The following SCAI variants were observed in gnomAD, a reference collection of about 807,000 sequenced individuals.
The protein encoded by SCAI is protein SCAI.
SCAI carries 24 observed loss-of-function variants against 92.2 expected under a neutral mutation model. The observed-to-expected ratio is 0.26, with a 90% CI of 0.19 to 0.37. SCAI has a LOEUF of 0.37. Among genes scored for constraint, SCAI ranks in the 10% least tolerant of loss-of-function variants. SCAI has a pLI of 1.00. For synonymous variants in SCAI, 261 were observed against 258.6 expected, an observed-to-expected ratio of 1.01 and a Z score of -0.09; for missense variants, 450 against 736.2, an observed-to-expected ratio of 0.61 and a Z score of 4.50.
chr9:125,138,168 C>T (rs1487371733), intron 2 of SCAI, among the ~76,000 whole-genome samples: 1 of 151,724 alleles, frequency 6.6e-6, no homozygotes, highest in East Asian at 1.9e-4. Context: ...TGTTTTTTAA[C>T]CTAAAATTTA....
intron 2 of SCAI, among the ~76,000 whole-genome samples, chr9:125,121,521 T>G (rs1455812938): frequency 6.6e-6 from 1 of 151,848 alleles, no homozygotes; most frequent in African/African-American, 2.4e-5. Context: ...ATCTAGTGGT[T>G]TCCAACATTT....
Position 124,973,603 on chromosome 9 carries a change from C to T in SCAI, c.1400-1759G>A, listed in dbSNP as rs376208779. ...ATCCCAGCACTTTTGGAGGCGGAGG[C>T]GGGCAGATCACGAGGTCAGGAGTTT... On this transcript the variant is annotated intron_variant, in intron 15 of 17. Coordinates refer to ENST00000336505, the MANE Select transcript of SCAI (RefSeq NM_001144877.3). Among the ~76,000 whole-genome samples the T allele has an allele frequency of 6.6e-5, 10 of 152,142 alleles. No individual in the cohort carries two copies. The South Asian group carries it at 2.1e-3, about 32-fold the overall frequency.
chr9:125,098,132 G>A (rs565806140), intron 2 of SCAI, among the ~76,000 whole-genome samples: 32 of 151,996 alleles, frequency 2.1e-4, no homozygotes, highest in Admixed American at 3.9e-4. Flanking sequence ...ATAGCTCACT[G>A]CAACCTCAAT....
At position 124,948,814 on chromosome 9, in the gene SCAI, C is replaced by T. The variant is rs912117369; in HGVS notation, c.*3993G>A. On this transcript the variant is annotated 3_prime_UTR_variant, in exon 18 of 18. Coordinates refer to ENST00000336505, the MANE Select transcript of SCAI (RefSeq NM_001144877.3). ...AGGGACAGTTTGTGCAATTTGAAAA[C>T]AAAGGAGTGCTTTTTCCCTTTGCTT... 8 of 152,172 alleles carry T rather than the reference C, an allele frequency of 5.3e-5. No individual in the cohort carries two copies. The highest frequency in any genetic ancestry group is 2.6e-4 in the Admixed American group (4 of 15,278). The allele number at this position is 152,172 out of a possible 1,614,324, so 9.4% of individuals were successfully genotyped here.
intron 9 of SCAI, among the ~76,000 whole-genome samples, chr9:125,011,560 G>C (rs1320986509): frequency 6.6e-6 from 1 of 152,212 alleles, no homozygotes; most frequent in Admixed American, 6.5e-5. Context: ...CGTCTGATTG[G>C]TGTACCTGAA....
intron 2 of SCAI, among the ~76,000 whole-genome samples, chr9:125,103,240 T>C (rs532348793): frequency 6.6e-6 from 1 of 152,276 alleles, no homozygotes; most frequent in East Asian, 1.9e-4. Context: ...TTTCACCTCA[T>C]TGATGGCTTT....
At chr9:125,032,191 ATATATT>A (rs1564386255) in intron 3 of SCAI, among the ~76,000 whole-genome samples, 1 of 80,648 alleles carries the variant, frequency 1.2e-5, no homozygotes, top group South Asian at 4.3e-4. Flanking sequence ...ATATATATAT[ATATATT>A]TTTTTTTTTT....
rs538996271 is a variant in SCAI, at chr9:125,033,830, G to A, written c.231-4091C>T. ...AGCATATAATTTTATCTTCTCTTTC[G>A]AGGCTCCATACAGAAATAAAAAGAG... On this transcript the variant is annotated intron_variant, in intron 3 of 17. Coordinates refer to ENST00000336505, the MANE Select transcript of SCAI (RefSeq NM_001144877.3). Among the ~76,000 whole-genome samples, 16 of 152,228 alleles carry A rather than the reference G, an allele frequency of 1.1e-4. 1 individual carries two copies. The East Asian group carries it at 2.9e-3, about 28-fold the overall frequency.
rs528182850 is a variant in SCAI at position 124,987,805 on chromosome 9, A to T, written c.1326+7129T>A. 6.4e-4 allele frequency among the ~76,000 whole-genome samples: 97 copies of T among 152,210 alleles called. 2 individuals are homozygous for T. Among genetic ancestry groups the T allele is most frequent in the African/African-American group, 1.8e-3 (73 of 41,532 alleles). On this transcript the variant is annotated intron_variant, in intron 14 of 17. Coordinates refer to ENST00000336505, the MANE Select transcript of SCAI (RefSeq NM_001144877.3). ...GGGGAAACCCTGTCTCTACTAAAAA[A>T]TACAAAAATTAGCCGGGTGTGGTGG...
intron 2 of SCAI, among the ~76,000 whole-genome samples, chr9:125,056,740 T>G (rs561544128): frequency 6.6e-6 from 1 of 152,266 alleles, no homozygotes. Flanking sequence ...TCATAACATT[T>G]AAAAATTGAA....
At chr9:125,018,997 T>C (rs1832817702) in intron 8 of SCAI, 46 bp from the exon 9 acceptor site, 1 of 1,592,906 alleles carries the variant, frequency 6.3e-7, no homozygotes, top group Non-Finnish European at 8.6e-7. Context: ...CAAGACTAAA[T>C]ATCAATAGAG....
In SCAI at chr9:125,061,768, G is replaced by A. The variant is rs191185692; in HGVS notation, c.99-5761C>T. On this transcript the variant is annotated intron_variant, in intron 2 of 17. Coordinates refer to ENST00000336505, the MANE Select transcript of SCAI (RefSeq NM_001144877.3). ...GAGCAAGACCCAGCTCAAAATGAAA[G>A]AAATGAAACGAAGAAAAGAAAAGAA... is the stretch of plus-strand genomic sequence containing the variant. 2.2e-3 allele frequency among the ~76,000 whole-genome samples: 336 copies of A among 151,190 alleles called. 3 individuals carry two copies. The highest frequency in any genetic ancestry group is 7.8e-3 in the African/African-American group (319 of 41,146).
chr9:125,103,312 T>C (rs545976999), intron 2 of SCAI, among the ~76,000 whole-genome samples: 2 of 152,280 alleles, frequency 1.3e-5, no homozygotes, highest in East Asian at 3.9e-4. Flanking sequence ...TTGAGGATGA[T>C]TTTTCAGTCC....
At chr9:125,046,353 G>A (rs1339628578) in intron 3 of SCAI, among the ~76,000 whole-genome samples, 1 of 110,360 alleles carries the variant, frequency 9.1e-6, no homozygotes, top group Non-Finnish European at 1.9e-5. Context: ...GTGTGTGTGT[G>A]TATATATATA....
At chr9:125,098,673 C>T (rs1479914716) in intron 2 of SCAI, among the ~76,000 whole-genome samples, 2 of 152,140 alleles carry the variant, frequency 1.3e-5, no homozygotes, top group South Asian at 2.1e-4. Context: ...AATTAAGAAT[C>T]GAAGGGGGTC....
intron 3 of SCAI, among the ~76,000 whole-genome samples, chr9:125,046,196 G>GATAGATATATATATATATAT (rs1554784575): frequency 1.5e-4 from 8 of 51,880 alleles, no homozygotes; most frequent in East Asian, 6.7e-4. Flanking sequence ...GAAATTGTGA[G>GATAGATATATATATATATAT]ATATATATAT....
At chr9:125,137,677 C>T (rs1348855924) in intron 2 of SCAI, among the ~76,000 whole-genome samples, 4 of 151,892 alleles carry the variant, frequency 2.6e-5, no homozygotes, top group Non-Finnish European at 4.4e-5. Context: ...CTCAGCTCAC[C>T]GCAACCTCCA....
Position 124,952,776 on chromosome 9 carries a change from GAA to G in SCAI, c.*29_*30del, listed in dbSNP as rs768497432. 6.3e-7 allele frequency: 1 copy of G among 1,586,802 alleles called. No individual in the cohort carries two copies. The highest frequency in any genetic ancestry group is 2.2e-5 in the East Asian group (1 of 44,462). On this transcript the variant is annotated 3_prime_UTR_variant, in exon 18 of 18. Transcript: ENST00000336505. ...GCACCATTTAAAATTTGTGGAAAAT[GAA>G]AACTTGTTTCGACAACAGGGTTTTT...
chr9:125,033,746 A>G (rs1359845478), intron 3 of SCAI, among the ~76,000 whole-genome samples: 1 of 152,172 alleles, frequency 6.6e-6, no homozygotes, highest in East Asian at 1.9e-4. Flanking sequence ...GAATATCCCA[A>G]TAAAGATGTT....
Sources: gnomAD v4.1 joint callset for allele counts (sites outside exome capture counted in the v4.1 genomes callset) on GRCh38, gnomAD v4.1.1 for gene constraint, MANE v1.5 for transcripts, NCBI Gene and HGNC (gene_info 2026-07-23, HGNC 2026-07-21) for gene names.